Variants in DPYD observed in about 807,000 individuals in gnomAD.
DPYD encodes dihydropyrimidine dehydrogenase [NADP(+)].
Under a neutral mutation model 116.2 loss-of-function variants are expected in DPYD, and 109 were observed. The observed-to-expected ratio is 0.94, with a 90% CI of 0.80 to 1.10. The LOEUF is 1.10. DPYD is among the 50% of genes least tolerant of loss of function. The pLI is 0.00. For synonymous variants in DPYD, 440 were observed against 432.0 expected (o/e 1.02, Z -0.23); for missense variants, 1,302 against 1,254.5 (o/e 1.04, Z -0.57).
At chr1:97,608,563 T>C (rs1285849200) in intron 8 of DPYD, among the ~76,000 whole-genome samples, 1 of 151,922 alleles carries the variant, frequency 6.6e-6, no homozygotes, top group East Asian at 1.9e-4. Context: ...CTTTGTGATG[T>C]ATGGCAAATT....
intron 3 of DPYD, among the ~76,000 whole-genome samples, chr1:97,785,866 G>T (rs1365664412): frequency 2.0e-5 from 3 of 150,520 alleles, no homozygotes; most frequent in Admixed American, 6.6e-5. Flanking sequence ...CTAATTTTTT[G>T]TATTTTGTAG....
At chr1:97,337,431 C>G (rs1347567001) in intron 16 of DPYD, among the ~76,000 whole-genome samples, 1 of 152,122 alleles carries the variant, frequency 6.6e-6, no homozygotes, top group Non-Finnish European at 1.5e-5. Context: ...CAAACGAAAG[C>G]TACTAATTTC....
chr1:97,655,775 T>C (rs530990292), intron 8 of DPYD, among the ~76,000 whole-genome samples: 14 of 152,294 alleles, frequency 9.2e-5, no homozygotes, highest in African/African-American at 2.9e-4. Flanking sequence ...TGTACACATT[T>C]GATATAAATT....
chr1:97,648,424 G>A lies in DPYD; in HGVS notation c.850+30671C>T, dbSNP rs72975756. 5.0e-3 allele frequency among the ~76,000 whole-genome samples: 762 copies of A among 152,058 alleles called. 5 individuals are homozygous for A. Among genetic ancestry groups the A allele is most frequent in the African/African-American group, 0.017 (722 of 41,524 alleles). The stretch of plus-strand genomic sequence containing the variant: ...ATCATCTCAATAGATACTATGTCAT[G>A]TGTTTGATAGGAAGCTAAATACTTG... On this transcript the variant is annotated intron_variant, in intron 8 of 22. Coordinates refer to ENST00000370192, the MANE Select transcript of DPYD (RefSeq NM_000110.4).
intron 20 of DPYD, among the ~76,000 whole-genome samples, chr1:97,163,336 CT>C (rs1656069786): frequency 6.6e-6 from 1 of 152,156 alleles, no homozygotes; most frequent in Non-Finnish European, 1.5e-5. Flanking sequence ...TGAACAGACA[CT>C]TTTCAACATG....
chr1:97,693,773 A>C (rs929289398), intron 6 of DPYD, among the ~76,000 whole-genome samples: 1 of 152,216 alleles, frequency 6.6e-6, no homozygotes, highest in African/African-American at 2.4e-5. Flanking sequence ...ATCCAGACAC[A>C]TTGTGAAGCC....
At chr1:97,109,620 A>G (rs1319382922) in intron 20 of DPYD, among the ~76,000 whole-genome samples, 1 of 152,074 alleles carries the variant, frequency 6.6e-6, no homozygotes, top group Non-Finnish European at 1.5e-5. Context: ...TTTCTTCCAT[A>G]TTTATGCAAT....
At chr1:97,271,534 A>G (rs1182564451) in intron 18 of DPYD, among the ~76,000 whole-genome samples, 1 of 152,162 alleles carries the variant, frequency 6.6e-6, no homozygotes. Flanking sequence ...AAATTGTAAT[A>G]AAGATCAAAG....
intron 3 of DPYD, among the ~76,000 whole-genome samples, chr1:97,752,076 G>T (rs79723387): frequency 0.033 from 5,030 of 151,956 alleles, 129 homozygotes; most frequent in South Asian, 0.059. Context: ...AGATTTTTTT[G>T]TGTGTGTAGT....
At chr1:97,513,711 G>A (rs915758569) in intron 13 of DPYD, among the ~76,000 whole-genome samples, 14 of 151,728 alleles carry the variant, frequency 9.2e-5, no homozygotes, top group Admixed American at 5.3e-4. Context: ...AAATAAGTAT[G>A]TTCATACTAC....
At chr1:97,478,145 T>G (rs1678091621) in intron 13 of DPYD, among the ~76,000 whole-genome samples, 1 of 152,182 alleles carries the variant, frequency 6.6e-6, no homozygotes, top group South Asian at 2.1e-4. Context: ...ACCAGGTTGA[T>G]TGTCAAGAAG....
intron 9 of DPYD, 49 bp downstream of exon 9, chr1:97,595,010 A>T: frequency 7.1e-7 from 1 of 1,415,586 alleles, no homozygotes; most frequent in Non-Finnish European, 1.0e-6. Flanking sequence ...AATTTATCAT[A>T]AATAAAATAG....
rs188879533 is a variant in DPYD, at chr1:97,831,608, T to C, written c.151-3412A>G. Among the ~76,000 whole-genome samples the C allele has an allele frequency of 5.1e-3, 779 of 152,156 alleles. 8 individuals are homozygous for C. Among genetic ancestry groups the C allele is most frequent in the African/African-American group, 0.017 (694 of 41,524 alleles). ...AGTTCATAAAAATTCAAAAAAATTA[T>C]CCATGGTAGTGGCTTGTGATTTCCA... On this transcript the variant is annotated intron_variant, in intron 2 of 22. Coordinates refer to ENST00000370192, the MANE Select transcript of DPYD (RefSeq NM_000110.4).
intron 16 of DPYD, among the ~76,000 whole-genome samples, chr1:97,331,392 C>G (rs975316087): frequency 6.6e-6 from 1 of 152,070 alleles, no homozygotes; most frequent in Non-Finnish European, 1.5e-5. Flanking sequence ...GCAGGAGGCT[C>G]GCTTGAGCCC....
intron 18 of DPYD, among the ~76,000 whole-genome samples, chr1:97,266,564 T>C (rs1322902746): frequency 1.3e-5 from 2 of 152,174 alleles, no homozygotes; most frequent in Non-Finnish European, 2.9e-5. Flanking sequence ...AGTTCTAGGG[T>C]ACATGTGCAC....
At chr1:97,249,353 G>A (rs1662928534) in intron 18 of DPYD, among the ~76,000 whole-genome samples, 1 of 152,000 alleles carries the variant, frequency 6.6e-6, no homozygotes, top group Non-Finnish European at 1.5e-5. Flanking sequence ...AACAAATGGT[G>A]TGAGAAAAGC....
At chr1:97,620,546 C>A (rs1656573668) in intron 8 of DPYD, among the ~76,000 whole-genome samples, 1 of 152,264 alleles carries the variant, frequency 6.6e-6, no homozygotes, top group African/African-American at 2.4e-5. Context: ...GGCAACATCT[C>A]ATAGGTTATT....
chr1:97,274,538 T>G (rs1435412928), intron 18 of DPYD, among the ~76,000 whole-genome samples: 4 of 152,148 alleles, frequency 2.6e-5, no homozygotes, highest in Non-Finnish European at 5.9e-5. Flanking sequence ...CCTCTTTTCT[T>G]TATAAATTAC....
chr1:97,155,769 T>C (rs569586626), intron 20 of DPYD, among the ~76,000 whole-genome samples: 2 of 152,340 alleles, frequency 1.3e-5, no homozygotes, highest in Admixed American at 1.3e-4. Flanking sequence ...TCCCAAATTA[T>C]AGCCAACTAC....
Sources: gnomAD v4.1 joint callset for allele counts (sites outside exome capture counted in the v4.1 genomes callset) on GRCh38, gnomAD v4.1.1 for gene constraint, MANE v1.5 for transcripts, NCBI Gene and HGNC (gene_info 2026-07-23, HGNC 2026-07-21) for gene names.